The following TRMO variants were observed in gnomAD, a reference collection of about 807,000 sequenced individuals.
TRMO encodes tRNA (adenine(37)-N6)-methyltransferase.
TRMO carries 30 observed loss-of-function variants against 37.2 expected under a neutral mutation model. The ratio of observed to expected loss-of-function variants is 0.81; its 90% CI spans 0.60 to 1.09. TRMO has a LOEUF of 1.09. Among genes scored for constraint, TRMO ranks in the 50% least tolerant of loss-of-function variants. TRMO has a pLI of 0.00. For synonymous variants in TRMO, 239 were observed against 199.4 expected, an observed-to-expected ratio of 1.20 and a Z score of -1.67; for missense variants, 552 against 549.5, an observed-to-expected ratio of 1.00 and a Z score of -0.05.
chr9:97,908,151 A>C (rs535396205), intron 4 of TRMO, among the ~76,000 whole-genome samples: 1 of 152,044 alleles, frequency 6.6e-6, no homozygotes, highest in Non-Finnish European at 1.5e-5. Flanking sequence ...GGTGGCTCAC[A>C]CCTGTAATCT....
At chr9:97,908,280 C>T (rs552638312) in intron 4 of TRMO, among the ~76,000 whole-genome samples, 31 of 152,148 alleles carry the variant, frequency 2.0e-4, no homozygotes, top group East Asian at 3.9e-4. Context: ...GGTGTGGTGG[C>T]GGGCGCCTGT....
chr9:97,917,945 G>T (rs1165675291), intron 1 of TRMO, among the ~76,000 whole-genome samples: 1 of 149,938 alleles, frequency 6.7e-6, no homozygotes, highest in African/African-American at 2.5e-5. Flanking sequence ...GCCTCTCAAA[G>T]TGCTAGTATT....
intron 1 of TRMO, among the ~76,000 whole-genome samples, chr9:97,920,573 G>A (rs1019436013): frequency 6.6e-6 from 1 of 152,200 alleles, no homozygotes; most frequent in Non-Finnish European, 1.5e-5. Context: ...AGCAAGGAGT[G>A]CTTTTTAAAG....
chr9:97,922,019 G>A (rs1826666315), intron 1 of TRMO, among the ~76,000 whole-genome samples: 1 of 152,002 alleles, frequency 6.6e-6, no homozygotes, highest in African/African-American at 2.4e-5. Flanking sequence ...TTCTCCCCCA[G>A]AAACTTTCCC....
chr9:97,903,187 G>C (rs1825721109), downstream of TRMO, among the ~76,000 whole-genome samples: 1 of 152,044 alleles, frequency 6.6e-6, no homozygotes, highest in African/African-American at 2.4e-5. Context: ...AGGATCCCTT[G>C]AGCCTGGGAG....
intron 3 of TRMO, chr9:97,911,115 A>G: frequency 3.4e-6 from 1 of 295,826 alleles, no homozygotes; most frequent in South Asian, 2.7e-5. Flanking sequence ...CAGATCCAAA[A>G]GTGGCCCTGT....
chr9:97,897,998 G>C, the TRMO span, among the ~76,000 whole-genome samples: 329 of 152,154 alleles, frequency 2.2e-3, 1 homozygote, highest in Middle Eastern at 6.8e-3. Context: ...TGAGTAACTG[G>C]GACCATAGGC....
Position 97,910,490 on chromosome 9 carries a change from T to G in TRMO, c.536A>C (p.Gln179Pro). 1 of 1,614,212 alleles carries G rather than the reference T, an allele frequency of 6.2e-7. No individual in the cohort carries two copies. Among genetic ancestry groups the G allele is most frequent in the Non-Finnish European group, 8.5e-7 (1 of 1,180,040 alleles). Residue 179 changes from glutamine to proline, a missense_variant, in exon 4 of 5, where the codon CAG becomes CCG. Transcript: ENST00000375119. ...VMEPLADFNL[Q>P]NNQHTPNTVS... ...AGTGTTTGGTGTATGTTGGTTATTCTGTAAATTAAAGTCTGCTAAAGGCTC... is the reference window on the plus strand; with the variant it reads ...AGTGTTTGGTGTATGTTGGTTATTCGGTAAATTAAAGTCTGCTAAAGGCTC...
At chr9:97,898,553 A>G in the TRMO span, among the ~76,000 whole-genome samples, 2 of 151,950 alleles carry the variant, frequency 1.3e-5, no homozygotes. Context: ...ATACTTGTAT[A>G]CCAAAAAAAA....
intron 3 of TRMO, chr9:97,911,088 GTTCT>G (rs1826104432): frequency 6.0e-6 from 2 of 334,328 alleles, no homozygotes; most frequent in South Asian, 4.5e-5. Flanking sequence ...ACCAATGAAG[GTTCT>G]TACTGTGGCA....
intron 3 of TRMO, chr9:97,912,926 C>T (rs1306351544): frequency 2.3e-6 from 3 of 1,304,570 alleles, no homozygotes; most frequent in Non-Finnish European, 3.0e-6. Flanking sequence ...TGCCACACAG[C>T]ACAGTTGACA....
chr9:97,898,501 C>T, the TRMO span, among the ~76,000 whole-genome samples: 3 of 151,872 alleles, frequency 2.0e-5, no homozygotes, highest in South Asian at 2.1e-4. Context: ...CACTACACCC[C>T]GTTTTTTAAT....
chr9:97,910,327 T>C lies in TRMO; in HGVS notation c.699A>G (p.Thr233=), dbSNP rs746897451. 6.2e-7 allele frequency: 1 copy of C among 1,614,122 alleles called. No individual in the cohort carries two copies. The highest frequency in any genetic ancestry group is 1.3e-5 in the African/African-American group (1 of 74,944). The change falls in exon 4 of 5, where the codon ACA becomes ACG. Residue 233 remains threonine, a synonymous_variant. Transcript: ENST00000375119. ...GCTGAATTCTGGCTGTGTCACTGTG[T>C]GTCAGGTAGTTTTCTTCTGAAGTTC... is the stretch of plus-strand genomic sequence containing the variant. ...EDRTSEENYL[T]HSDTARIQQA...
At chr9:97,919,758 TG>T (rs1227528289) in intron 1 of TRMO, among the ~76,000 whole-genome samples, 5 of 152,250 alleles carry the variant, frequency 3.3e-5, no homozygotes, top group African/African-American at 1.2e-4. Context: ...TAAATATAAG[TG>T]GCTGCCAATT....
rs1825777973 is a variant in TRMO, at chr9:97,904,643, G to T, written c.*90C>A. On this transcript the variant is annotated 3_prime_UTR_variant, in exon 5 of 5. Transcript: ENST00000375119. ...CAAAGCCATGAGATCACAAAGTGTT[G>T]CTTCTCGACACAACATTAGCTTGTT... 1 of 1,549,642 alleles carries T rather than the reference G, an allele frequency of 6.5e-7. No individual in the cohort carries two copies. The highest frequency in any genetic ancestry group is 1.4e-5 in the African/African-American group (1 of 72,368).
chr9:97,919,761 C>T (rs751698667), intron 1 of TRMO, among the ~76,000 whole-genome samples: 2 of 152,208 alleles, frequency 1.3e-5, no homozygotes, highest in Non-Finnish European at 2.9e-5. Context: ...ATATAAGTGG[C>T]TGCCAATTAG....
intron 3 of TRMO, chr9:97,913,146 T>C (rs1826202433): frequency 2.1e-6 from 1 of 479,832 alleles, no homozygotes; most frequent in African/African-American, 2.0e-5. Context: ...GTGAAATTTG[T>C]GTTATTTCTA....
At chr9:97,904,479 C>T (rs1049611951), downstream of TRMO, 16 of 1,254,574 alleles carry the variant, frequency 1.3e-5, no homozygotes, top group South Asian at 2.4e-5. Flanking sequence ...CAGAAATTAT[C>T]GAGACAGCAT....
chr9:97,916,412 AATG>A, intron 1 of TRMO, 74 bp from the exon 2 acceptor site: 1 of 1,043,070 alleles, frequency 9.6e-7, no homozygotes, highest in Non-Finnish European at 1.4e-6. Flanking sequence ...TGTTTTCTCT[AATG>A]CATTGGTTTC....
Sources: gnomAD v4.1 joint callset for allele counts (sites outside exome capture counted in the v4.1 genomes callset) on GRCh38, gnomAD v4.1.1 for gene constraint, MANE v1.5 for transcripts, NCBI Gene and HGNC (gene_info 2026-07-23, HGNC 2026-07-21) for gene names.